PEPD: variants seen among roughly 807,000 people sequenced by gnomAD.
PEPD encodes xaa-Pro dipeptidase.
Under a neutral mutation model 60.7 loss-of-function variants are expected in PEPD, and 53 were observed. The observed-to-expected ratio is 0.87, with a 90% CI of 0.70 to 1.10. The LOEUF (loss-of-function observed/expected upper bound fraction) is 1.10, where lower values mean the gene tolerates loss of function less well. PEPD is among the 50% of genes least tolerant of loss of function. The pLI is 0.00. For missense variants in PEPD, 711 were observed against 711.9 expected (o/e 1.00, Z 0.01); for synonymous variants, 267 against 284.1 (o/e 0.94, Z 0.60).
intron 9 of PEPD, among the ~76,000 whole-genome samples, chr19:33,442,471 C>A (rs928992378): frequency 5.4e-5 from 8 of 148,600 alleles, no homozygotes; most frequent in Non-Finnish European, 1.0e-4. Context: ...GAGGCTGAGG[C>A]GGGTAGATCA....
chr19:33,496,922 C>CA (rs1970617682), intron 4 of PEPD, among the ~76,000 whole-genome samples: 1 of 152,232 alleles, frequency 6.6e-6, no homozygotes, highest in Admixed American at 6.5e-5. Context: ...ATAAGCTGGA[C>CA]AAAAAAGCTG....
intron 7 of PEPD, among the ~76,000 whole-genome samples, chr19:33,472,238 G>A (rs1040136895): frequency 6.6e-6 from 1 of 152,050 alleles, no homozygotes; most frequent in Non-Finnish European, 1.5e-5. Flanking sequence ...TGAGGCGGGA[G>A]GATGACCTGA....
At chr19:33,428,401 C>T (rs1969197757) in intron 9 of PEPD, among the ~76,000 whole-genome samples, 1 of 152,202 alleles carries the variant, frequency 6.6e-6, no homozygotes, top group African/African-American at 2.4e-5. Flanking sequence ...ACACCTTCCA[C>T]ACTGACCCTC....
chr19:33,487,695 G>A (rs1970421887), intron 6 of PEPD, among the ~76,000 whole-genome samples: 1 of 152,208 alleles, frequency 6.6e-6, no homozygotes, highest in Non-Finnish European at 1.5e-5. Context: ...AGAGGTACCA[G>A]CCCGGTGCCT....
chr19:33,490,088 G>A lies in PEPD; in HGVS notation c.442-31C>T, dbSNP rs368950536. ...GAGAGAGAACACAGACATGACACAC[G>A]GGGCCGCATGGCGCCCCCACAGCCT... On this transcript the variant is annotated intron_variant, in intron 5 of 14. Coordinates refer to ENST00000244137, the MANE Select transcript of PEPD (RefSeq NM_000285.4). 179 of 1,541,912 alleles carry A rather than the reference G, an allele frequency of 1.2e-4. No individual in the cohort carries two copies. The African/African-American group carries it at 1.9e-3, about 16-fold the overall frequency.
At chr19:33,499,421 TCAC>T (rs1183855492) in intron 4 of PEPD, among the ~76,000 whole-genome samples, 1 of 152,274 alleles carries the variant, frequency 6.6e-6, no homozygotes, top group Middle Eastern at 3.4e-3. Context: ...ACTCATGTGG[TCAC>T]CTCCTGCACT....
At chr19:33,427,662 T>C (rs1227347673) in intron 9 of PEPD, among the ~76,000 whole-genome samples, 1 of 152,246 alleles carries the variant, frequency 6.6e-6, no homozygotes, top group Non-Finnish European at 1.5e-5. Context: ...AAACTGGTTT[T>C]TAAATAATCC....
intron 9 of PEPD, among the ~76,000 whole-genome samples, chr19:33,444,913 T>C (rs965405604): frequency 1.3e-5 from 2 of 152,130 alleles, no homozygotes; most frequent in Admixed American, 1.3e-4. Context: ...CAGTGTGTAA[T>C]CCTCCCACTT....
intron 9 of PEPD, among the ~76,000 whole-genome samples, chr19:33,453,626 A>G (rs1314319303): frequency 6.6e-6 from 1 of 152,270 alleles, no homozygotes; most frequent in African/African-American, 2.4e-5. Context: ...AGACTACAGT[A>G]TACTGCAAAC....
intron 6 of PEPD, among the ~76,000 whole-genome samples, chr19:33,486,506 G>A (rs1329832148): frequency 1.3e-5 from 2 of 152,024 alleles, no homozygotes; most frequent in Non-Finnish European, 2.9e-5. Context: ...GGTGAGCCCA[G>A]GGGCCTCAGT....
chr19:33,511,362 A>T, intron 2 of PEPD: 1 of 571,280 alleles, frequency 1.8e-6, no homozygotes, highest in South Asian at 1.8e-5. Flanking sequence ...CAGCTCCTCT[A>T]CCCTGCTGGG....
intron 12 of PEPD, among the ~76,000 whole-genome samples, chr19:33,398,148 C>T (rs973422137): frequency 6.6e-6 from 1 of 152,240 alleles, no homozygotes; most frequent in East Asian, 1.9e-4. Context: ...CCCTGCTCCC[C>T]GTGGCCTGGT....
intron 3 of PEPD, 114 bp from the exon 4 acceptor site, chr19:33,501,115 T>TCAGCACC (rs1194786630): frequency 1.0e-5 from 8 of 770,752 alleles, no homozygotes; most frequent in Admixed American, 5.4e-5. Context: ...CCTATCACGG[T>TCAGCACC]CAGCACCCAG....
At chr19:33,461,319 A>T (rs1969922669) in intron 9 of PEPD, among the ~76,000 whole-genome samples, 1 of 150,932 alleles carries the variant, frequency 6.6e-6, no homozygotes, top group South Asian at 2.1e-4. Flanking sequence ...AAAAAAAAAA[A>T]GACCTCCATT....
Position 33,491,862 on chromosome 19 carries a change from T to C in PEPD, c.441+1428A>G, listed in dbSNP as rs75312734. Among the ~76,000 whole-genome samples, 887 of 152,226 alleles carry C rather than the reference T, an allele frequency of 5.8e-3. 6 individuals carry two copies. Among genetic ancestry groups the C allele is most frequent in the African/African-American group, 0.018 (766 of 41,542 alleles). On this transcript the variant is annotated intron_variant, in intron 5 of 14. Coordinates refer to ENST00000244137, the MANE Select transcript of PEPD (RefSeq NM_000285.4). ...CATCAGGGCAAATATTTAGGTTAAA[T>C]TGTGGGAGCTAAAAACATAAAGTAT... is the stretch of plus-strand genomic sequence containing the variant.
intron 7 of PEPD, among the ~76,000 whole-genome samples, chr19:33,471,901 C>A (rs1970127214): frequency 6.6e-6 from 1 of 152,156 alleles, no homozygotes; most frequent in Admixed American, 6.5e-5. Context: ...GTGGCTCATG[C>A]CTGTAATCCC....
At chr19:33,426,835 C>A in intron 9 of PEPD, among the ~76,000 whole-genome samples, 1 of 152,224 alleles carries the variant, frequency 6.6e-6, no homozygotes. Flanking sequence ...CGTCTCCTCT[C>A]TGAGAAGGTT....
At chr19:33,472,051 C>T (rs1260102798) in intron 7 of PEPD, among the ~76,000 whole-genome samples, 2 of 152,096 alleles carry the variant, frequency 1.3e-5, no homozygotes, top group East Asian at 3.9e-4. Flanking sequence ...ATCCCAGCTA[C>T]TCGGGAGGCT....
chr19:33,465,012 G>A (rs1053683317), intron 7 of PEPD, among the ~76,000 whole-genome samples: 4 of 152,164 alleles, frequency 2.6e-5, no homozygotes, highest in African/African-American at 9.7e-5. Context: ...CAGCGGTGTG[G>A]CCAAGATCCC....
Sources: gnomAD v4.1 joint callset for allele counts (sites outside exome capture counted in the v4.1 genomes callset) on GRCh38, gnomAD v4.1.1 for gene constraint, MANE v1.5 for transcripts, NCBI Gene and HGNC (gene_info 2026-07-23, HGNC 2026-07-21) for gene names.